VIPR2: variants seen among roughly 807,000 people sequenced by gnomAD.
VIPR2 encodes vasoactive intestinal peptide receptor 2.
In VIPR2, 48 loss-of-function variants were observed where a neutral mutation model predicts 58.0. The ratio of observed to expected loss-of-function variants is 0.83; its 90% CI spans 0.66 to 1.05. The LOEUF is 1.05. VIPR2 is among the 50% of genes least tolerant of loss of function. VIPR2 has a pLI of 0.00. For synonymous variants in VIPR2, 243 were observed against 235.2 expected, an observed-to-expected ratio of 1.03 and a Z score of -0.30; for missense variants, 534 against 558.0, an observed-to-expected ratio of 0.96 and a Z score of 0.43.
At chr7:159,074,348 C>T (rs1231481618) in intron 4 of VIPR2, among the ~76,000 whole-genome samples, 1 of 152,200 alleles carries the variant, frequency 6.6e-6, no homozygotes, top group Non-Finnish European at 1.5e-5. Flanking sequence ...GTGAAAGACT[C>T]AGCTTGCTCA....
chr7:159,049,947 T>C (rs1201970155), intron 5 of VIPR2, among the ~76,000 whole-genome samples: 1 of 152,214 alleles, frequency 6.6e-6, no homozygotes, highest in Non-Finnish European at 1.5e-5. Context: ...AGCAAGATAA[T>C]CATCTGAAGC....
At chr7:159,133,336 T>A (rs1797063403) in intron 2 of VIPR2, among the ~76,000 whole-genome samples, 1 of 152,306 alleles carries the variant, frequency 6.6e-6, no homozygotes, top group African/African-American at 2.4e-5. Flanking sequence ...AACAGGCAAC[T>A]ATGCCCACAG....
intron 4 of VIPR2, among the ~76,000 whole-genome samples, chr7:159,090,638 A>C (rs867067257): frequency 3.1e-5 from 2 of 64,838 alleles, no homozygotes; most frequent in Non-Finnish European, 5.8e-5. Flanking sequence ...GCCACCTCTT[A>C]TGACCATCAC....
At chr7:159,088,702 G>T (rs960336954) in intron 4 of VIPR2, among the ~76,000 whole-genome samples, 20 of 152,366 alleles carry the variant, frequency 1.3e-4, no homozygotes, top group Non-Finnish European at 2.9e-4. Context: ...ATCACACAGC[G>T]GTGGCAGCAC....
chr7:159,045,266 T>C (rs1363200286), intron 5 of VIPR2, among the ~76,000 whole-genome samples: 3 of 152,158 alleles, frequency 2.0e-5, no homozygotes, highest in Admixed American at 1.3e-4. Flanking sequence ...CCTGAAGTCA[T>C]GTGGAATTAT....
chr7:159,040,947 G>C (rs1854289044), intron 6 of VIPR2, among the ~76,000 whole-genome samples: 1 of 152,120 alleles, frequency 6.6e-6, no homozygotes, highest in Admixed American at 6.5e-5. Context: ...GCTGGTACTA[G>C]AGTCACGGGG....
intron 4 of VIPR2, among the ~76,000 whole-genome samples, chr7:159,094,020 C>T (rs961672668): frequency 1.3e-5 from 2 of 152,212 alleles, no homozygotes; most frequent in Non-Finnish European, 2.9e-5. Flanking sequence ...GCCTTGACCT[C>T]TCAAGGAAAG....
intron 4 of VIPR2, among the ~76,000 whole-genome samples, chr7:159,092,736 C>T (rs557681354): frequency 2.0e-5 from 3 of 151,496 alleles, no homozygotes; most frequent in Admixed American, 6.6e-5. Flanking sequence ...CTGCAAGCTC[C>T]GCCTCCCGGG....
At chr7:159,052,994 C>T (rs1034844986) in intron 5 of VIPR2, among the ~76,000 whole-genome samples, 1 of 152,202 alleles carries the variant, frequency 6.6e-6, no homozygotes. Flanking sequence ...ATCACCACTT[C>T]TATTCAACAT....
At chr7:159,085,719 T>A (rs1182970273) in intron 4 of VIPR2, among the ~76,000 whole-genome samples, 1 of 152,018 alleles carries the variant, frequency 6.6e-6, no homozygotes, top group Non-Finnish European at 1.5e-5. Context: ...TGTTTCAGTT[T>A]TTTTTTTTCG....
chr7:159,135,457 TA>T (rs1166266129), intron 2 of VIPR2, among the ~76,000 whole-genome samples: 1 of 151,796 alleles, frequency 6.6e-6, no homozygotes, highest in Non-Finnish European at 1.5e-5. Flanking sequence ...AAAATAAAAA[TA>T]ATATTTAAAA....
At chr7:159,141,770 T>C (rs144970811) in intron 2 of VIPR2, among the ~76,000 whole-genome samples, 5,661 of 152,344 alleles carry the variant, frequency 0.037, 143 homozygotes, top group Non-Finnish European at 0.052. Flanking sequence ...GACAACAGAC[T>C]GTTTTAACAC....
intron 5 of VIPR2, among the ~76,000 whole-genome samples, chr7:159,050,422 A>G (rs1054262925): frequency 1.3e-4 from 20 of 151,740 alleles, no homozygotes; most frequent in African/African-American, 4.8e-4. Flanking sequence ...GTTTTAAGAC[A>G]TGGACTATAA....
intron 2 of VIPR2, among the ~76,000 whole-genome samples, chr7:159,125,849 G>C (rs895784416): frequency 1.3e-5 from 2 of 152,160 alleles, no homozygotes; most frequent in Non-Finnish European, 2.9e-5. Flanking sequence ...AGAGCTCAGG[G>C]GCTCATAGTT....
intron 6 of VIPR2, among the ~76,000 whole-genome samples, chr7:159,038,347 C>A (rs11975189): frequency 0.027 from 4,038 of 152,224 alleles, 180 homozygotes; most frequent in African/African-American, 0.091. Context: ...GTGAGAGTTA[C>A]CCTTATTGTC....
intron 4 of VIPR2, among the ~76,000 whole-genome samples, chr7:159,084,448 C>T (rs919272392): frequency 2.6e-5 from 4 of 152,216 alleles, no homozygotes; most frequent in Admixed American, 6.5e-5. Flanking sequence ...CATTTCATGC[C>T]GAGTGACAGC....
chr7:159,106,216 T>C (rs1390381883), intron 3 of VIPR2, among the ~76,000 whole-genome samples: 2 of 152,244 alleles, frequency 1.3e-5, no homozygotes, highest in African/African-American at 4.8e-5. Context: ...GATCAGTGTT[T>C]ACCAATCCAA....
chr7:159,108,334 A>G (rs750641349), intron 3 of VIPR2, among the ~76,000 whole-genome samples: 1 of 152,222 alleles, frequency 6.6e-6, no homozygotes, highest in Non-Finnish European at 1.5e-5. Context: ...CGGACATTCC[A>G]TGGGGACCAT....
At chr7:159,067,456 G>A (rs73730127) in intron 4 of VIPR2, among the ~76,000 whole-genome samples, 2,362 of 152,322 alleles carry the variant, frequency 0.016, 60 homozygotes, top group African/African-American at 0.051. Flanking sequence ...AGAACCCAGC[G>A]TGCATGAGGA....
Sources: allele counts gnomAD v4.1 joint callset (sites outside exome capture counted in the v4.1 genomes callset), GRCh38; gene constraint gnomAD v4.1.1; transcripts MANE v1.5; gene names NCBI Gene and HGNC (gene_info 2026-07-23, HGNC 2026-07-21).